Variants in SLC23A2 observed in about 807,000 individuals in gnomAD.
SLC23A2 encodes the protein solute carrier family 23 member 2, also known as Na(+)/L-ascorbic acid transporter 2.
A neutral mutation model predicts 73.3 loss-of-function variants in SLC23A2; 36 were observed. That is an observed-to-expected ratio of 0.49 (90% CI 0.38 to 0.65). SLC23A2 has a LOEUF of 0.65. Ranked by LOEUF, SLC23A2 falls within the 30% of genes least tolerant of loss-of-function variation. SLC23A2 has a pLI of 0.00. For synonymous variants in SLC23A2, 343 were observed against 327.3 expected, an observed-to-expected ratio of 1.05 and a Z score of -0.52; for missense variants, 507 against 841.6, an observed-to-expected ratio of 0.60 and a Z score of 4.92.
At position 4,935,393 on chromosome 20, in the gene SLC23A2, C is replaced by T. The variant is rs894200318; in HGVS notation, c.-154-2677G>A. On this transcript the variant is annotated intron_variant, in intron 2 of 16. Transcript: ENST00000338244. ...GGTCCCACCACCCTGCCACAGCCCC[C>T]GCCACTTACAGGTCCTAATTCATTC... Among the ~76,000 whole-genome samples, 7 of 152,238 alleles carry T rather than the reference C, an allele frequency of 4.6e-5. 1 individual carries two copies. The highest frequency in any genetic ancestry group is 2.1e-4 in the South Asian group (1 of 4,828).
At chr20:5,005,502 G>A (rs2088180846), upstream of SLC23A2, among the ~76,000 whole-genome samples, 1 of 152,058 alleles carries the variant, frequency 6.6e-6, no homozygotes, top group Non-Finnish European at 1.5e-5. Flanking sequence ...TTTCCAGGCT[G>A]TGTTATTTTT....
chr20:4,993,143 G>T (rs2087955718), intron 1 of SLC23A2, among the ~76,000 whole-genome samples: 1 of 151,868 alleles, frequency 6.6e-6, no homozygotes, highest in Non-Finnish European at 1.5e-5. Context: ...AATTAGCCAG[G>T]CATGGTAGCG....
At chr20:4,895,325 C>T (rs1313246422) in intron 6 of SLC23A2, among the ~76,000 whole-genome samples, 1 of 152,190 alleles carries the variant, frequency 6.6e-6, no homozygotes, top group Admixed American at 6.5e-5. Context: ...CTGCATCTGC[C>T]TTTCCTCTCC....
intron 2 of SLC23A2, among the ~76,000 whole-genome samples, chr20:4,941,702 G>C (rs915648500): frequency 6.8e-6 from 1 of 146,100 alleles, no homozygotes; most frequent in African/African-American, 2.5e-5. Flanking sequence ...ACTCTGTCTC[G>C]AGGAAAAAAA....
intron 1 of SLC23A2, among the ~76,000 whole-genome samples, chr20:4,988,734 CA>C (rs35710976): frequency 8.9e-4 from 111 of 125,154 alleles, no homozygotes; most frequent in Middle Eastern, 4.1e-3. Flanking sequence ...GACTTCGTCT[CA>C]AAAAAAAAAA....
chr20:4,957,911 A>AC (rs1011525758), intron 2 of SLC23A2, among the ~76,000 whole-genome samples: 3 of 152,066 alleles, frequency 2.0e-5, no homozygotes, highest in African/African-American at 7.2e-5. Context: ...AAAAAAAAAA[A>AC]AAAAAAACTT....
Position 4,856,086 on chromosome 20 carries a change from T to G in SLC23A2, c.*886A>C, listed in dbSNP as rs1036242691. The G allele has an allele frequency of 6.6e-6, 1 of 152,420 alleles. No individual in the cohort carries two copies. The highest frequency in any genetic ancestry group is 1.5e-5 in the Non-Finnish European group (1 of 68,036). The allele number at this position is 152,420 out of a possible 1,614,324, so 9.4% of individuals were successfully genotyped here. ...ATTAAATAGGAATAAAACCTTGTAA[T>G]TATAGACGCGCGCGACAATAACATC... On this transcript the variant is annotated 3_prime_UTR_variant, in exon 17 of 17. Coordinates refer to ENST00000338244, the MANE Select transcript of SLC23A2 (RefSeq NM_005116.6). The surrounding 1 kb of genome is among the most constrained non-coding windows in gnomAD (Gnocchi z 4.6).
chr20:4,971,963 C>T (rs928714444), intron 1 of SLC23A2, among the ~76,000 whole-genome samples: 2 of 152,280 alleles, frequency 1.3e-5, no homozygotes, highest in South Asian at 4.1e-4. Context: ...TCTCAAAAAG[C>T]CGGTCACATT....
chr20:4,949,257 CAGCCTGGGTGACAG>C (rs1191336509), intron 2 of SLC23A2, among the ~76,000 whole-genome samples: 1 of 145,398 alleles, frequency 6.9e-6, no homozygotes, highest in African/African-American at 2.6e-5. Flanking sequence ...CATTGCACTC[CAGCCTGGGTGACAG>C]AGCGAGACTC....
Position 4,855,905 on chromosome 20 carries a change from C to T in SLC23A2, c.*1067G>A, listed in dbSNP as rs979088957. 1.3e-5 allele frequency: 2 copies of T among 152,334 alleles called. No individual in the cohort carries two copies. Among genetic ancestry groups the T allele is most frequent in the African/African-American group, 4.8e-5 (2 of 41,288 alleles). 9.4% of individuals were successfully genotyped at this position (152,334 alleles called of 1,614,324 possible). A position where few individuals can be genotyped will look rare whatever the true frequency, so the allele number is the denominator to read the frequency against. On this transcript the variant is annotated 3_prime_UTR_variant, in exon 17 of 17. Coordinates refer to ENST00000338244, the MANE Select transcript of SLC23A2 (RefSeq NM_005116.6). ...ACAATGGTTACTGGCCTTCAAAAGC[C>T]GTTACAACAAGCTTCCCTGATGGTG...
chr20:4,996,712 A>G (rs1003792751), intron 1 of SLC23A2, among the ~76,000 whole-genome samples: 28 of 146,548 alleles, frequency 1.9e-4, no homozygotes, highest in African/African-American at 7.1e-4. Flanking sequence ...AAAAAAAACA[A>G]CAACTCATGA....
At chr20:4,968,275 A>G (rs1184053492) in intron 2 of SLC23A2, among the ~76,000 whole-genome samples, 1 of 152,198 alleles carries the variant, frequency 6.6e-6, no homozygotes, top group African/African-American at 2.4e-5. Context: ...GAGAGATGCC[A>G]CTACGGAGGT....
chr20:4,899,456 T>C lies in SLC23A2; in HGVS notation c.482+99A>G, dbSNP rs1931664613. 2.0e-5 allele frequency: 28 copies of C among 1,409,160 alleles called. No homozygotes were observed. The highest frequency in any genetic ancestry group is 3.7e-5 in the South Asian group (3 of 81,378). The allele number at this position is 1,409,160 out of a possible 1,614,324, so 87.3% of individuals were successfully genotyped here. The stretch of plus-strand genomic sequence containing the variant: ...AGGACATTCCCGTGCCTCCATTCTG[T>C]CCTTGCCAACAGCCCTAGGCAAACG... On this transcript the variant is annotated intron_variant, in intron 6 of 16. Coordinates refer to ENST00000338244, the MANE Select transcript of SLC23A2 (RefSeq NM_005116.6). The surrounding 1 kb of genome is among the most constrained non-coding windows in gnomAD (Gnocchi z 4.9).
At chr20:4,923,525 T>A (rs545485736) in intron 3 of SLC23A2, among the ~76,000 whole-genome samples, 1 of 152,308 alleles carries the variant, frequency 6.6e-6, no homozygotes, top group South Asian at 2.1e-4. Flanking sequence ...CTTACAGAAA[T>A]AGGAGAATTA....
chr20:4,961,718 G>A (rs1032526134), intron 2 of SLC23A2, among the ~76,000 whole-genome samples: 1 of 152,122 alleles, frequency 6.6e-6, no homozygotes, highest in African/African-American at 2.4e-5. Context: ...GATGGGAGGA[G>A]ATTTAATTTT....
chr20:4,961,700 C>T (rs2087393498), intron 2 of SLC23A2, among the ~76,000 whole-genome samples: 1 of 152,150 alleles, frequency 6.6e-6, no homozygotes, highest in Non-Finnish European at 1.5e-5. Flanking sequence ...CCTGACTGTG[C>T]CATTAATGAT....
At chr20:4,914,443 G>A (rs752145392) in intron 3 of SLC23A2, among the ~76,000 whole-genome samples, 2 of 151,756 alleles carry the variant, frequency 1.3e-5, no homozygotes, top group African/African-American at 2.4e-5. Flanking sequence ...ACTGAACCAG[G>A]TATTGACCAA....
At position 4,862,729 on chromosome 20, in the gene SLC23A2, A is replaced by C. The variant is rs369765560; in HGVS notation, c.1486+49T>G. On this transcript the variant is annotated intron_variant, in intron 14 of 16. Coordinates refer to ENST00000338244, the MANE Select transcript of SLC23A2 (RefSeq NM_005116.6). The surrounding 1 kb of genome is among the most constrained non-coding windows in gnomAD (Gnocchi z 5.1). ...AGTCAGCAAAAACACCATGACCCCTATTAAAAATTTGGAAAAGTAAAGGAA... is the reference window on the plus strand; with the variant it reads ...AGTCAGCAAAAACACCATGACCCCTCTTAAAAATTTGGAAAAGTAAAGGAA... The C allele has an allele frequency of 1.4e-5, 22 of 1,565,474 alleles. No homozygotes were observed. In the African/African-American group the frequency reaches 2.7e-4, roughly 19 times the overall value.
Position 4,972,185 on chromosome 20 carries a change from C to T in SLC23A2, c.-281-1266G>A, listed in dbSNP as rs772742982. ...GAAGAAAAACGTGCAAGGCAACCAA[C>T]AGTTTAGCCAGATTTTCACTGGAAA... On this transcript the variant is annotated intron_variant, in intron 1 of 16. Coordinates refer to ENST00000338244, the MANE Select transcript of SLC23A2 (RefSeq NM_005116.6). Among the ~76,000 whole-genome samples, 116 of 152,182 alleles carry T rather than the reference C, an allele frequency of 7.6e-4. 4 individuals carry two copies. The highest frequency in any genetic ancestry group is 4.1e-4 in the South Asian group (2 of 4,836).
Sources: gnomAD v4.1 joint callset for allele counts (sites outside exome capture counted in the v4.1 genomes callset) on GRCh38, gnomAD v4.1.1 for gene constraint, Gnocchi (gnomAD v3.1) non-coding constraint, MANE v1.5 for transcripts, NCBI Gene and HGNC (gene_info 2026-07-23, HGNC 2026-07-21) for gene names.